Variants in APBB1IP observed in about 807,000 individuals in gnomAD.
APBB1IP encodes amyloid beta precursor protein binding family B member 1 interacting protein, also known as amyloid beta A4 precursor protein-binding family B member 1-interacting protein.
A neutral mutation model predicts 64.9 loss-of-function variants in APBB1IP; 27 were observed. That is an observed-to-expected ratio of 0.42 (90% CI 0.31 to 0.57). The LOEUF is 0.57. Among genes scored for constraint, APBB1IP ranks in the 20% least tolerant of loss-of-function variants. The pLI is 0.20. For missense variants in APBB1IP, 812 were observed against 845.5 expected, an observed-to-expected ratio of 0.96 and a Z score of 0.49; for synonymous variants, 392 against 331.0, an observed-to-expected ratio of 1.18 and a Z score of -2.00.
At chr10:26,444,111 G>A (rs1372792025) in intron 2 of APBB1IP, among the ~76,000 whole-genome samples, 1 of 152,218 alleles carries the variant, frequency 6.6e-6, no homozygotes, top group Non-Finnish European at 1.5e-5. Flanking sequence ...AGTTAACCAA[G>A]TGGCTATCTG....
At chr10:26,450,884 C>G (rs1000048075) in intron 2 of APBB1IP, among the ~76,000 whole-genome samples, 1 of 151,970 alleles carries the variant, frequency 6.6e-6, no homozygotes, top group Non-Finnish European at 1.5e-5. Flanking sequence ...TTAGTAGAGA[C>G]AAGGTATCAC....
At chr10:26,546,379 G>A (rs944263323) in intron 11 of APBB1IP, among the ~76,000 whole-genome samples, 6 of 152,040 alleles carry the variant, frequency 3.9e-5, no homozygotes, top group African/African-American at 1.4e-4. Flanking sequence ...AGTAAGTCTG[G>A]GATTGGGCCC....
Position 26,565,013 on chromosome 10 carries a change from A to G in APBB1IP, c.1474-1948A>G, listed in dbSNP as rs77327566. Among the ~76,000 whole-genome samples, 131 of 152,204 alleles carry G rather than the reference A, an allele frequency of 8.6e-4. 2 individuals are homozygous for G. The East Asian group carries it at 0.015, about 18-fold the overall frequency. On this transcript the variant is annotated intron_variant, in intron 14 of 14. Transcript: ENST00000376236. ...CCTGTGTTCTCAGCTCACCAACACA[A>G]GGAGACATTGTCCCCAAAATCAGGC...
At chr10:26,450,226 G>A (rs1189680412) in intron 2 of APBB1IP, among the ~76,000 whole-genome samples, 2 of 152,214 alleles carry the variant, frequency 1.3e-5, no homozygotes, top group Admixed American at 6.5e-5. Flanking sequence ...AAATGCGTCT[G>A]TACATGCAAA....
At chr10:26,502,391 C>T (rs1370858868) in intron 5 of APBB1IP, among the ~76,000 whole-genome samples, 1 of 152,166 alleles carries the variant, frequency 6.6e-6, no homozygotes, top group Non-Finnish European at 1.5e-5. Flanking sequence ...CCTGTAATCC[C>T]AGTACTTTGG....
chr10:26,482,659 T>C (rs1315812024), intron 2 of APBB1IP, among the ~76,000 whole-genome samples: 1 of 152,176 alleles, frequency 6.6e-6, no homozygotes, highest in Non-Finnish European at 1.5e-5. Context: ...TAGAAAAAAA[T>C]GTTGCCAGAT....
chr10:26,563,980 A>G (rs1564380300), intron 14 of APBB1IP, among the ~76,000 whole-genome samples: 1 of 148,514 alleles, frequency 6.7e-6, no homozygotes, highest in South Asian at 2.2e-4. Flanking sequence ...TCAGAATAGA[A>G]ATCACTTAAC....
intron 2 of APBB1IP, among the ~76,000 whole-genome samples, chr10:26,481,828 TGTGTGTGTGTG>T (rs1564356992): frequency 0.022 from 869 of 40,248 alleles, 9 homozygotes; most frequent in African/African-American, 0.041. Context: ...TCTCATTACG[TGTGTGTGTGTG>T]TGTGTGTGTG....
At chr10:26,522,856 T>C (rs1836419879) in intron 8 of APBB1IP, among the ~76,000 whole-genome samples, 1 of 151,764 alleles carries the variant, frequency 6.6e-6, no homozygotes. Flanking sequence ...AAAAAAAAAT[T>C]AGCTGGGCAT....
rs768737682 is a variant in APBB1IP at position 26,567,016 on chromosome 10, A to G, written c.1529A>G (p.His510Arg). ...GACCCGGCAGTGCCCCGGGCCCCGC[A>G]CGCCCCCAAGTCCAGCCTGCCCCCG... ...HHDPAVPRAP[H>R]APKSSLPPPP... is the part of the protein sequence containing the mutation. The change falls in exon 15 of 15, where the codon CAC becomes CGC. Residue 510 changes from histidine (H) to arginine (R), a missense_variant. Transcript: ENST00000376236. 8 of 1,564,202 alleles carry G rather than the reference A, an allele frequency of 5.1e-6. No individual in the cohort carries two copies. In the Middle Eastern group the frequency reaches 1.3e-3, roughly 247 times the overall value.
chr10:26,488,018 C>T (rs889325748), intron 2 of APBB1IP, among the ~76,000 whole-genome samples: 1 of 152,126 alleles, frequency 6.6e-6, no homozygotes, highest in Admixed American at 6.5e-5. Context: ...AATAATTCAT[C>T]TGAAGGATTC....
At chr10:26,464,981 T>C (rs1228534818) in intron 2 of APBB1IP, among the ~76,000 whole-genome samples, 3 of 152,254 alleles carry the variant, frequency 2.0e-5, no homozygotes, top group African/African-American at 7.2e-5. Flanking sequence ...TTCACTTTTG[T>C]GGTCTAAGCA....
chr10:26,513,829 T>C (rs1419341370), intron 8 of APBB1IP, among the ~76,000 whole-genome samples, 169 bp downstream of exon 8: 1 of 151,762 alleles, frequency 6.6e-6, no homozygotes, highest in African/African-American at 2.4e-5. Context: ...GCCTCCTGGG[T>C]TCAAGCAATT....
At chr10:26,517,038 GGAATCTT>G (rs1340464855) in intron 8 of APBB1IP, among the ~76,000 whole-genome samples, 1 of 152,186 alleles carries the variant, frequency 6.6e-6, no homozygotes, top group African/African-American at 2.4e-5. Flanking sequence ...CCCTCCCAGA[GGAATCTT>G]GATGGCTTGC....
At chr10:26,560,387 G>A (rs1836951760) in intron 12 of APBB1IP, among the ~76,000 whole-genome samples, 184 bp downstream of exon 12, 2 of 152,138 alleles carry the variant, frequency 1.3e-5, no homozygotes, top group African/African-American at 2.4e-5. Flanking sequence ...AACCTCTCCA[G>A]TAACCGGATA....
intron 6 of APBB1IP, among the ~76,000 whole-genome samples, chr10:26,504,168 C>T (rs564095348): frequency 3.6e-4 from 55 of 152,336 alleles, no homozygotes; most frequent in African/African-American, 1.3e-3. Flanking sequence ...GGGCAGCCGT[C>T]AGCCCTGCTG....
intron 9 of APBB1IP, among the ~76,000 whole-genome samples, chr10:26,534,023 G>A (rs1363318195): frequency 6.6e-6 from 1 of 151,554 alleles, no homozygotes; most frequent in Non-Finnish European, 1.5e-5. Context: ...TTATCACAGA[G>A]ATTCAGGGAG....
chr10:26,440,067 T>C (rs934459242), intron 2 of APBB1IP, among the ~76,000 whole-genome samples: 1 of 152,232 alleles, frequency 6.6e-6, no homozygotes, highest in African/African-American at 2.4e-5. Context: ...GAAATTTAAC[T>C]TCATCCTTAA....
intron 11 of APBB1IP, among the ~76,000 whole-genome samples, chr10:26,544,922 G>C (rs1319346197): frequency 2.6e-5 from 4 of 152,236 alleles, no homozygotes; most frequent in Non-Finnish European, 5.9e-5. Flanking sequence ...CCAAAGGAGA[G>C]AGGGGGCTCA....
Sources: gnomAD v4.1 joint callset for allele counts (sites outside exome capture counted in the v4.1 genomes callset) on GRCh38, gnomAD v4.1.1 for gene constraint, MANE v1.5 for transcripts, NCBI Gene and HGNC (gene_info 2026-07-23, HGNC 2026-07-21) for gene names.